PHC2: variants seen among roughly 807,000 people sequenced by gnomAD.
PHC2 encodes the protein polyhomeotic homolog 2.
A neutral mutation model predicts 87.4 loss-of-function variants in PHC2; 29 were observed. The observed-to-expected ratio is 0.33, with a 90% CI of 0.25 to 0.45. The LOEUF (loss-of-function observed/expected upper bound fraction) is 0.45. PHC2 is among the 20% of genes least tolerant of loss of function. The pLI, the probability that PHC2 is intolerant of heterozygous loss-of-function variation, is 1.00. For missense variants in PHC2, 857 were observed against 1,136.7 expected (o/e 0.75, Z 3.54); for synonymous variants, 438 against 461.7 (o/e 0.95, Z 0.66).
At chr1:33,393,355 A>T (rs900595842) in intron 1 of PHC2, among the ~76,000 whole-genome samples, 3 of 151,996 alleles carry the variant, frequency 2.0e-5, no homozygotes, top group African/African-American at 7.2e-5. Flanking sequence ...ATCTGTGCCC[A>T]TGCTGGCCTC....
In PHC2 at chr1:33,331,227, G is replaced by A; in HGVS notation, c.2006+121C>T. On this transcript the variant is annotated intron_variant, in intron 12 of 14. Coordinates refer to ENST00000683057, the MANE Select transcript of PHC2 (RefSeq NM_001385109.1). The surrounding 1 kb of genome is among the most constrained non-coding windows in gnomAD (Gnocchi z 5.2). Reference sequence around the variant, plus strand: ...GGGATGCCATCCTGCTTCCAGGTGGGTCGAGGAACTAGGAAACTGGAGAAG... The same window carrying A: ...GGGATGCCATCCTGCTTCCAGGTGGATCGAGGAACTAGGAAACTGGAGAAG... 1.9e-6 allele frequency: 1 copy of A among 529,356 alleles called. No individual in the cohort carries two copies. The allele number at this position is 529,356 out of a possible 1,614,324, so 32.8% of individuals were successfully genotyped here. A position where few individuals can be genotyped will look rare whatever the true frequency, so the allele number is the denominator to read the frequency against.
chr1:33,351,930 C>T (rs528977531), intron 9 of PHC2, among the ~76,000 whole-genome samples: 10 of 124,604 alleles, frequency 8.0e-5, no homozygotes, highest in Non-Finnish European at 6.3e-5. Context: ...CCAGCCTGGG[C>T]GACAGAGTAA....
At chr1:33,372,739 C>T (rs1015510207) in intron 2 of PHC2, among the ~76,000 whole-genome samples, 2 of 152,338 alleles carry the variant, frequency 1.3e-5, no homozygotes, top group African/African-American at 4.8e-5. Flanking sequence ...AGCCGCACGC[C>T]AGTGCTTTAA....
At chr1:33,344,829 G>A (rs910405323) in intron 9 of PHC2, among the ~76,000 whole-genome samples, 3 of 151,846 alleles carry the variant, frequency 2.0e-5, no homozygotes, top group Non-Finnish European at 2.9e-5. Flanking sequence ...GGCTGGTCTC[G>A]AACTCCTGCG....
intron 1 of PHC2, among the ~76,000 whole-genome samples, chr1:33,413,971 T>C (rs1650090777): frequency 6.6e-6 from 1 of 152,154 alleles, no homozygotes; most frequent in South Asian, 2.1e-4. Context: ...CAGCATGGCA[T>C]TGTGAGAAAC....
At chr1:33,425,891 A>G (rs1650648053) in intron 1 of PHC2, among the ~76,000 whole-genome samples, 1 of 152,242 alleles carries the variant, frequency 6.6e-6, no homozygotes, top group African/African-American at 2.4e-5. Flanking sequence ...ATAGAAAATG[A>G]GAACAAACAC....
In PHC2 at chr1:33,368,024, G is replaced by A. The variant is rs1452857606; in HGVS notation, c.663+512C>T. Reference sequence around the variant, plus strand: ...CCTGTCCCATCACCCTCCCCATTCCGTAGATGAGGATGGGGAGATGCGAGT... The same window carrying A: ...CCTGTCCCATCACCCTCCCCATTCCATAGATGAGGATGGGGAGATGCGAGT... On this transcript the variant is annotated intron_variant, in intron 6 of 14. Coordinates refer to ENST00000683057, the MANE Select transcript of PHC2 (RefSeq NM_001385109.1). The surrounding 1 kb of genome is among the most constrained non-coding windows in gnomAD (Gnocchi z 6.6). 3.9e-5 allele frequency among the ~76,000 whole-genome samples: 6 copies of A among 152,252 alleles called. No individual in the cohort carries two copies. The East Asian group carries it at 5.8e-4, about 15-fold the overall frequency.
chr1:33,374,176 T>C (rs1648027778), intron 2 of PHC2, among the ~76,000 whole-genome samples: 1 of 152,136 alleles, frequency 6.6e-6, no homozygotes, highest in African/African-American at 2.4e-5. Context: ...GCCCATGTAG[T>C]TGAGATCCTG....
At chr1:33,340,169 G>A (rs1415676934) in intron 9 of PHC2, among the ~76,000 whole-genome samples, 6 of 152,162 alleles carry the variant, frequency 3.9e-5, no homozygotes, top group African/African-American at 1.2e-4. Flanking sequence ...TTACTGTTTG[G>A]TTGCAGTAGG....
In PHC2 at chr1:33,351,806, G is replaced by A. The variant is rs866579384; in HGVS notation, c.1558+2595C>T. On this transcript the variant is annotated intron_variant, in intron 9 of 14. Transcript: ENST00000683057. ...GTCTCTACTAAAAGTACAAAAATTA[G>A]CTGGGCATGGTGGTGTGCACCTGTA... Among the ~76,000 whole-genome samples, 10 of 152,212 alleles carry A rather than the reference G, an allele frequency of 6.6e-5. No homozygotes were observed. The South Asian group carries it at 1.9e-3, about 28-fold the overall frequency.
chr1:33,368,696 C>A lies in PHC2; in HGVS notation c.577-74G>T, dbSNP rs1308246200. The A allele has an allele frequency of 1.8e-6, 2 of 1,138,764 alleles. No individual in the cohort carries two copies. The highest frequency in any genetic ancestry group is 2.6e-6 in the Non-Finnish European group (2 of 770,940). The allele number at this position is 1,138,764 out of a possible 1,614,324, so 70.5% of individuals were successfully genotyped here. A position where few individuals can be genotyped will look rare whatever the true frequency, so the allele number is the denominator to read the frequency against. On this transcript the variant is annotated intron_variant, in intron 5 of 14. Coordinates refer to ENST00000683057, the MANE Select transcript of PHC2 (RefSeq NM_001385109.1). The surrounding 1 kb of genome is among the most constrained non-coding windows in gnomAD (Gnocchi z 6.6). ...CAGGTTACCTGGCTGGGCCTGGAAT[C>A]ACAGGAAACGAGGCGCCTTTTACCT... is the stretch of plus-strand genomic sequence containing the variant.
intron 14 of PHC2, 152 bp from the exon 15 acceptor site, chr1:33,325,171 A>C: frequency 2.7e-6 from 2 of 754,268 alleles, no homozygotes; most frequent in Non-Finnish European, 4.1e-6. Context: ...TGCTGTTCTT[A>C]TTTTGCAGCT....
intron 1 of PHC2, among the ~76,000 whole-genome samples, chr1:33,381,158 C>T (rs1648471332): frequency 6.6e-6 from 1 of 152,150 alleles, no homozygotes; most frequent in African/African-American, 2.4e-5. Flanking sequence ...TTAAGCCATC[C>T]AGCTTAAAGG....
intron 2 of PHC2, 103 bp downstream of exon 2, chr1:33,375,263 G>C (rs1161936802): frequency 3.1e-6 from 3 of 954,884 alleles, no homozygotes; most frequent in Non-Finnish European, 4.5e-6. Context: ...GCCCGTTCTA[G>C]AGTCCACATC....
intron 14 of PHC2, chr1:33,326,329 C>T (rs754247491): frequency 3.1e-5 from 5 of 162,306 alleles, no homozygotes; most frequent in African/African-American, 4.8e-5. Context: ...CAAGAAAACA[C>T]GGTCTACAGA....
At chr1:33,342,361 A>G (rs1047642308) in intron 9 of PHC2, among the ~76,000 whole-genome samples, 1 of 152,214 alleles carries the variant, frequency 6.6e-6, no homozygotes, top group African/African-American at 2.4e-5. Flanking sequence ...GCTGACTTTC[A>G]TGCTGTCTCT....
At chr1:33,360,424 G>A (rs931318428) in intron 7 of PHC2, among the ~76,000 whole-genome samples, 3 of 152,278 alleles carry the variant, frequency 2.0e-5, no homozygotes, top group African/African-American at 7.2e-5. Context: ...GGGTTTTAGA[G>A]TCAGTCAGAT....
intron 7 of PHC2, among the ~76,000 whole-genome samples, chr1:33,359,237 ACTTGTTTATCCTACAAGACTTGTTC>A (rs1647150662): frequency 2.0e-5 from 3 of 152,188 alleles, no homozygotes; most frequent in African/African-American, 7.2e-5. Flanking sequence ...ACATGGTGGG[ACTTGTTTATCCTACAAGACTTGTTC>A]TCAAGGCTTC....
chr1:33,406,869 A>G lies in PHC2; in HGVS notation c.-55+24107T>C, dbSNP rs1331817572. 6.9e-5 allele frequency among the ~76,000 whole-genome samples: 10 copies of G among 145,102 alleles called. No homozygotes were observed. The South Asian group carries it at 1.5e-3, about 22-fold the overall frequency. On this transcript the variant is annotated intron_variant, in intron 1 of 14. Transcript: ENST00000683057. ...CTCTTCCAATATCCTCTGTCCCAAA[A>G]CTCTCTTTCCTTATCTTCTGGGACT...
Sources: gnomAD v4.1 joint callset for allele counts (sites outside exome capture counted in the v4.1 genomes callset) on GRCh38, gnomAD v4.1.1 for gene constraint, Gnocchi (gnomAD v3.1) non-coding constraint, MANE v1.5 for transcripts, NCBI Gene and HGNC (gene_info 2026-07-23, HGNC 2026-07-21) for gene names.